The following BANK1 variants were observed in gnomAD, a reference collection of about 807,000 sequenced individuals.
BANK1 encodes the protein B cell scaffold protein with ankyrin repeats 1.
In BANK1, 95 loss-of-function variants were observed where a neutral mutation model predicts 94.5. The observed-to-expected ratio is 1.00, with a 90% CI of 0.85 to 1.19. The LOEUF (loss-of-function observed/expected upper bound fraction) is 1.19. Ranked by LOEUF, BANK1 falls within the 50% of genes most tolerant of loss-of-function variation. The probability of loss-of-function intolerance (pLI) is 0.00; values close to 1 mark genes in which losing one functional copy is unlikely to be tolerated. For synonymous variants in BANK1, 334 were observed against 308.4 expected (o/e 1.08, Z -0.87); for missense variants, 987 against 932.2 (o/e 1.06, Z -0.77).
At chr4:101,855,247 GT>G in intron 3 of BANK1, 58 bp downstream of exon 3, 1 of 1,507,108 alleles carries the variant, frequency 6.6e-7, no homozygotes, top group Middle Eastern at 1.8e-4. Context: ...GGTGGTGGTG[GT>G]TGTTGTTGTT....
At chr4:101,822,862 G>T (rs997299226) in intron 1 of BANK1, among the ~76,000 whole-genome samples, 1 of 152,000 alleles carries the variant, frequency 6.6e-6, no homozygotes, top group Admixed American at 6.6e-5. Context: ...TGATCCGCCC[G>T]CCTCGGCCTC....
At chr4:101,809,267 G>C (rs1296561396) in intron 1 of BANK1, among the ~76,000 whole-genome samples, 1 of 152,108 alleles carries the variant, frequency 6.6e-6, no homozygotes, top group Non-Finnish European at 1.5e-5. Flanking sequence ...AATATTGTTT[G>C]TTCTCAGTTA....
intron 11 of BANK1, among the ~76,000 whole-genome samples, chr4:102,045,939 C>A (rs1203290366): frequency 2.0e-5 from 3 of 150,552 alleles, no homozygotes; most frequent in Admixed American, 1.3e-4. Context: ...TTGGAAAAAA[C>A]TACTTTAAAG....
intron 7 of BANK1, among the ~76,000 whole-genome samples, chr4:101,941,295 T>C (rs1723734822): frequency 6.6e-6 from 1 of 151,682 alleles, no homozygotes; most frequent in African/African-American, 2.4e-5. Context: ...GCCCCTGTCC[T>C]AGTATCAATC....
At chr4:101,819,588 C>G (rs1205393805) in intron 1 of BANK1, among the ~76,000 whole-genome samples, 2 of 152,162 alleles carry the variant, frequency 1.3e-5, no homozygotes, top group Non-Finnish European at 2.9e-5. Flanking sequence ...GATACCACCA[C>G]AATACCTGCA....
chr4:101,993,087 A>T (rs1725763760), intron 7 of BANK1, among the ~76,000 whole-genome samples: 2 of 152,204 alleles, frequency 1.3e-5, no homozygotes, highest in Non-Finnish European at 1.5e-5. Flanking sequence ...CATGGAGACC[A>T]TAAGTTATTT....
chr4:102,071,538 AT>A (rs1401668517), intron 14 of BANK1, among the ~76,000 whole-genome samples: 2 of 152,204 alleles, frequency 1.3e-5, no homozygotes, highest in Non-Finnish European at 2.9e-5. Flanking sequence ...GGAATTCTTG[AT>A]TGATCCTGCT....
chr4:102,011,299 C>T (rs1415500287), intron 7 of BANK1, among the ~76,000 whole-genome samples: 3 of 152,164 alleles, frequency 2.0e-5, no homozygotes, highest in Admixed American at 6.5e-5. Flanking sequence ...TCCCTGATTT[C>T]GATTTGACCA....
intron 6 of BANK1, among the ~76,000 whole-genome samples, chr4:101,914,724 C>T (rs1722775004): frequency 6.6e-6 from 1 of 152,102 alleles, no homozygotes; most frequent in Non-Finnish European, 1.5e-5. Context: ...AGTGAACTCA[C>T]CATCAACACT....
chr4:101,867,186 A>T (rs1362111209), intron 4 of BANK1, among the ~76,000 whole-genome samples: 1 of 150,996 alleles, frequency 6.6e-6, no homozygotes, highest in East Asian at 1.9e-4. Flanking sequence ...TAAAAAAAAA[A>T]AAAAAAAAAA....
intron 7 of BANK1, among the ~76,000 whole-genome samples, chr4:101,922,046 G>GTGTGTGTA (rs1723017793): frequency 2.0e-5 from 3 of 151,182 alleles, no homozygotes; most frequent in African/African-American, 7.3e-5. Flanking sequence ...GTGTGTGTGT[G>GTGTGTGTA]TGTGTGTGTG....
intron 2 of BANK1, among the ~76,000 whole-genome samples, chr4:101,834,946 G>A (rs1726768529): frequency 6.6e-6 from 1 of 152,034 alleles, no homozygotes; most frequent in Non-Finnish European, 1.5e-5. Flanking sequence ...AAAAGACACA[G>A]TAATTTATAT....
intron 5 of BANK1, among the ~76,000 whole-genome samples, chr4:101,892,592 T>C (rs890790258): frequency 6.6e-6 from 1 of 151,796 alleles, no homozygotes; most frequent in South Asian, 2.1e-4. Flanking sequence ...ATAATAACAC[T>C]AATATAATTT....
At chr4:101,895,451 A>G (rs1454514693) in intron 6 of BANK1, 41 bp downstream of exon 6, 3 of 1,180,428 alleles carry the variant, frequency 2.5e-6, no homozygotes, top group African/African-American at 1.5e-5. Flanking sequence ...TTTTTATCAC[A>G]TTCCATTCTA....
chr4:101,809,359 G>T (rs1228743279), intron 1 of BANK1, among the ~76,000 whole-genome samples: 2 of 151,866 alleles, frequency 1.3e-5, no homozygotes, highest in Non-Finnish European at 2.9e-5. Context: ...AGGGTTGGAG[G>T]GGGATGAGGG....
rs181772400 is a variant in BANK1, at chr4:102,066,533, A to G, written c.2212+3395A>G. 9.6e-3 allele frequency among the ~76,000 whole-genome samples: 1,465 copies of G among 152,322 alleles called. 25 individuals carry two copies. Among genetic ancestry groups the G allele is most frequent in the African/African-American group, 0.032 (1,343 of 41,568 alleles). On this transcript the variant is annotated intron_variant, in intron 13 of 16. Transcript: ENST00000322953. Reference sequence around the variant, plus strand: ...CGGCCTCCCAAAGTGCTGGGATTACAGGCGTGAGCCAATGCGACCAGCCAA... The same window carrying G: ...CGGCCTCCCAAAGTGCTGGGATTACGGGCGTGAGCCAATGCGACCAGCCAA...
Position 102,007,081 on chromosome 4 carries a change from AATAT to A in BANK1, c.1207-14425_1207-14422del, listed in dbSNP as rs1227368517. Among the ~76,000 whole-genome samples the A allele has an allele frequency of 2.3e-4, 15 of 64,908 alleles. 1 individual carries two copies. Among genetic ancestry groups the A allele is most frequent in the African/African-American group, 6.4e-4 (14 of 21,740 alleles). 42.6% of individuals were successfully genotyped at this position (64,908 alleles called of 152,430 possible). On this transcript the variant is annotated intron_variant, in intron 7 of 16. Transcript: ENST00000322953. ...AAATATATAATTTTATATATATATA[AATAT>A]ATATATAATATATTTATATATATAT...
At chr4:101,847,371 GTTT>G (rs903819103) in intron 2 of BANK1, among the ~76,000 whole-genome samples, 1 of 151,558 alleles carries the variant, frequency 6.6e-6, no homozygotes, top group Non-Finnish European at 1.5e-5. Context: ...TCTCTTTTTA[GTTT>G]TTTTTACTAT....
chr4:101,948,487 G>C (rs1300503310), intron 7 of BANK1, among the ~76,000 whole-genome samples: 1 of 152,084 alleles, frequency 6.6e-6, no homozygotes, highest in East Asian at 1.9e-4. Flanking sequence ...ATCCTAAAGG[G>C]CAAAGAAGGG....
Sources: gnomAD v4.1 joint callset for allele counts (sites outside exome capture counted in the v4.1 genomes callset) on GRCh38, gnomAD v4.1.1 for gene constraint, MANE v1.5 for transcripts, NCBI Gene and HGNC (gene_info 2026-07-23, HGNC 2026-07-21) for gene names.